IFNAR2: variants seen among roughly 807,000 people sequenced by gnomAD.
IFNAR2 encodes the protein interferon alpha/beta receptor 2.
IFNAR2 carries 30 observed loss-of-function variants against 49.4 expected under a neutral mutation model. The observed-to-expected ratio is 0.61, with a 90% CI of 0.45 to 0.82. The LOEUF (loss-of-function observed/expected upper bound fraction) is 0.82, where lower values mean the gene tolerates loss of function less well. Among genes scored for constraint, IFNAR2 ranks in the 40% least tolerant of loss-of-function variants. IFNAR2 has a pLI of 0.00. For synonymous variants in IFNAR2, 224 were observed against 234.5 expected, an observed-to-expected ratio of 0.96 and a Z score of 0.41; for missense variants, 600 against 622.7, an observed-to-expected ratio of 0.96 and a Z score of 0.39.
chr21:33,230,288 T>A lies in IFNAR2; in HGVS notation c.-84+72T>A, dbSNP rs1290762150. ...GACTGGAGGGAAAACGCCGCCTCCC[T>A]GCAGCGGTTCCCGGAATCCCCTCCG... On this transcript the variant is annotated intron_variant, in intron 1 of 8. Coordinates refer to ENST00000342136, the MANE Select transcript of IFNAR2 (RefSeq NM_001289125.3). The surrounding 1 kb of genome is among the most constrained non-coding windows in gnomAD (Gnocchi z 5.5). The A allele has an allele frequency of 7.2e-6, 8 of 1,105,330 alleles. No homozygotes were observed. The highest frequency in any genetic ancestry group is 9.8e-5 in the Admixed American group (2 of 20,410). 68.5% of individuals were successfully genotyped at this position (1,105,330 alleles called of 1,614,324 possible). A position where few individuals can be genotyped will look rare whatever the true frequency, so the allele number is the denominator to read the frequency against.
intron 3 of IFNAR2, 38 bp from the exon 4 acceptor site, chr21:33,244,913 G>C (rs774656174): frequency 1.9e-6 from 3 of 1,608,588 alleles, no homozygotes; most frequent in Non-Finnish European, 1.7e-6. Flanking sequence ...ACAACTGTGG[G>C]TTCCAAATTT....
chr21:33,229,944 C>T lies in IFNAR2; in HGVS notation c.-356C>T, dbSNP rs1406895848. 1.0e-6 allele frequency: 1 copy of T among 983,596 alleles called. No individual in the cohort carries two copies. The highest frequency in any genetic ancestry group is 1.1e-4 in the East Asian group (1 of 8,772). The allele number at this position is 983,596 out of a possible 1,614,324, so 60.9% of individuals were successfully genotyped here. A position where few individuals can be genotyped will look rare whatever the true frequency, so the allele number is the denominator to read the frequency against. On this transcript the variant is annotated 5_prime_UTR_variant, in exon 1 of 9. Transcript: ENST00000342136. ...GCGCGGCGCCCGCGCTTCCGTATCGCTCCTCGTAGGCCGGGGCTCGGCGCG... is the reference window on the plus strand; with the variant it reads ...GCGCGGCGCCCGCGCTTCCGTATCGTTCCTCGTAGGCCGGGGCTCGGCGCG...
intron 7 of IFNAR2, among the ~76,000 whole-genome samples, chr21:33,255,250 T>A (rs1040633133): frequency 2.6e-5 from 4 of 152,188 alleles, no homozygotes; most frequent in African/African-American, 9.7e-5. Flanking sequence ...CACTAACTAG[T>A]TGTCCAATGA....
At chr21:33,257,352 G>C (rs1436114235) in intron 7 of IFNAR2, among the ~76,000 whole-genome samples, 1 of 152,202 alleles carries the variant, frequency 6.6e-6, no homozygotes, top group Non-Finnish European at 1.5e-5. Context: ...GCAGTAGCAT[G>C]GTTTATTGTG....
At chr21:33,232,997 T>C (rs1004404179) in intron 1 of IFNAR2, 3 of 940,222 alleles carry the variant, frequency 3.2e-6, no homozygotes, top group African/African-American at 1.8e-5. Flanking sequence ...AGAATTACAC[T>C]TGGAACAGAA....
intron 7 of IFNAR2, among the ~76,000 whole-genome samples, chr21:33,254,740 C>T (rs1988093954): frequency 6.6e-6 from 1 of 152,168 alleles, no homozygotes; most frequent in Admixed American, 6.5e-5. Flanking sequence ...AATTGTCCCA[C>T]CTTTCCAGAT....
intron 6 of IFNAR2, among the ~76,000 whole-genome samples, chr21:33,249,444 A>G (rs1987690408): frequency 1.3e-5 from 2 of 152,016 alleles, no homozygotes; most frequent in Admixed American, 6.5e-5. Flanking sequence ...GCCAAATTTC[A>G]GTGAACCCTG....
At chr21:33,232,760 G>A (rs1019704555) in intron 1 of IFNAR2, among the ~76,000 whole-genome samples, 2 of 152,076 alleles carry the variant, frequency 1.3e-5, no homozygotes, top group Non-Finnish European at 2.9e-5. Flanking sequence ...GTGAGATGGG[G>A]GAAGGTTCAC....
At chr21:33,240,302 TTACAG>T (rs1286125868) in intron 1 of IFNAR2, among the ~76,000 whole-genome samples, 17 of 152,244 alleles carry the variant, frequency 1.1e-4, no homozygotes, top group Admixed American at 1.3e-4. Context: ...TTGCAACTGC[TTACAG>T]TATTCAGCAC....
chr21:33,237,291 T>G (rs1137779), intron 1 of IFNAR2, among the ~76,000 whole-genome samples: 86,205 of 151,656 alleles, frequency 0.57, 24,544 homozygotes, highest in East Asian at 0.68. Context: ...AAGCCCTTTG[T>G]GGGGCTGAGG....
intron 8 of IFNAR2, among the ~76,000 whole-genome samples, chr21:33,262,364 C>CAAAAAAAA (rs58341848): frequency 2.1e-5 from 2 of 96,366 alleles, no homozygotes; most frequent in Non-Finnish European, 2.0e-5. Context: ...ACTCCCGTCT[C>CAAAAAAAA]AAAAAAAAAA....
intron 8 of IFNAR2, among the ~76,000 whole-genome samples, chr21:33,261,035 CTT>C (rs368696822): frequency 6.3e-5 from 6 of 95,998 alleles, no homozygotes; most frequent in Admixed American, 4.1e-4. Flanking sequence ...GTTTTCTTTC[CTT>C]TTTTTTTTTT....
chr21:33,256,915 A>G (rs189081375), intron 7 of IFNAR2, among the ~76,000 whole-genome samples: 10 of 152,314 alleles, frequency 6.6e-5, no homozygotes, highest in Admixed American at 6.5e-4. Flanking sequence ...GGTTGAGGAG[A>G]GCAGGTTGCT....
intron 6 of IFNAR2, chr21:33,252,255 C>A: frequency 4.4e-6 from 2 of 450,642 alleles, no homozygotes; most frequent in Non-Finnish European, 9.1e-6. Context: ...GGAGGTAATG[C>A]CTATTTTGCA....
chr21:33,235,792 G>A (rs1042357254), intron 1 of IFNAR2, among the ~76,000 whole-genome samples: 2 of 152,094 alleles, frequency 1.3e-5, no homozygotes, highest in African/African-American at 4.8e-5. Flanking sequence ...TGGGTGTGGT[G>A]GCGGGCGCCT....
chr21:33,245,028 C>T lies in IFNAR2; in HGVS notation c.175C>T (p.His59Tyr), dbSNP rs768519080. The change falls in exon 4 of 9, where the codon CAC (histidine) becomes TAC (tyrosine). Residue 59 changes from histidine (H) to tyrosine (Y), a missense_variant. Physicochemically the swap from His to Tyr is moderately conservative, Grantham distance 83. Transcript: ENST00000342136. ...CATCTTATCATGGGAATTAAAAAAC[C>T]ACTCCATTGTACCAACTCACTATAC... The part of the protein sequence containing the change: ...RSILSWELKN[H>Y]SIVPTHYTLL... 1 of 1,610,684 alleles carries T rather than the reference C, an allele frequency of 6.2e-7. No individual in the cohort carries two copies. Among genetic ancestry groups the T allele is most frequent in the Non-Finnish European group, 8.5e-7 (1 of 1,176,924 alleles).
intron 1 of IFNAR2, among the ~76,000 whole-genome samples, chr21:33,238,687 T>C (rs946693966): frequency 2.0e-5 from 3 of 151,574 alleles, no homozygotes; most frequent in Non-Finnish European, 2.9e-5. Flanking sequence ...GTTGTTTTTT[T>C]TAAACAGCAC....
At chr21:33,262,625 A>G (rs1191627330) in intron 8 of IFNAR2, 168 bp from the exon 9 acceptor site, 2 of 924,714 alleles carry the variant, frequency 2.2e-6, no homozygotes, top group Non-Finnish European at 1.7e-6. Context: ...AATGCACTAC[A>G]GTCTGAAACT....
intron 7 of IFNAR2, among the ~76,000 whole-genome samples, chr21:33,254,617 A>G (rs1011147357): frequency 1.3e-5 from 2 of 152,156 alleles, no homozygotes; most frequent in African/African-American, 4.8e-5. Flanking sequence ...CGTAATAGGA[A>G]CCGTGGCCTC....
Sources: gnomAD v4.1 joint callset for allele counts (sites outside exome capture counted in the v4.1 genomes callset) on GRCh38, gnomAD v4.1.1 for gene constraint, Gnocchi (gnomAD v3.1) non-coding constraint, MANE v1.5 for transcripts, NCBI Gene and HGNC (gene_info 2026-07-23, HGNC 2026-07-21) for gene names.